The following ATXN7L1 variants were observed in gnomAD, a reference collection of about 807,000 sequenced individuals.
The protein encoded by ATXN7L1 is ataxin 7 like 1, also known as ataxin-7-like protein 1.
ATXN7L1 carries 15 observed loss-of-function variants against 70.8 expected under a neutral mutation model. That is an observed-to-expected ratio of 0.21 (90% CI 0.14 to 0.33). The LOEUF (loss-of-function observed/expected upper bound fraction) is 0.33. Ranked by LOEUF, ATXN7L1 falls within the 10% of genes least tolerant of loss-of-function variation. The pLI, the probability that ATXN7L1 is intolerant of heterozygous loss-of-function variation, is 1.00. For missense variants in ATXN7L1, 975 were observed against 1,097.1 expected (o/e 0.89, Z 1.57); for synonymous variants, 440 against 445.1 (o/e 0.99, Z 0.14).
At chr7:105,844,591 G>T (rs1426776429) in intron 2 of ATXN7L1, among the ~76,000 whole-genome samples, 4 of 152,120 alleles carry the variant, frequency 2.6e-5, no homozygotes, top group Admixed American at 2.6e-4. Context: ...TTGATAAAGT[G>T]TATTTATGAA....
At chr7:105,610,642 C>G (rs988460156) in intron 10 of ATXN7L1, 39 bp from the exon 11 acceptor site, 38 of 1,531,040 alleles carry the variant, frequency 2.5e-5, no homozygotes, top group Non-Finnish European at 3.4e-5. Flanking sequence ...GACACACGAG[C>G]CAGCCTGGGA....
intron 2 of ATXN7L1, among the ~76,000 whole-genome samples, chr7:105,848,768 G>A (rs1814437945): frequency 6.6e-6 from 1 of 152,084 alleles, no homozygotes; most frequent in Non-Finnish European, 1.5e-5. Context: ...TACTCATGGA[G>A]GTCCAGGCCC....
At position 105,658,058 on chromosome 7, in the gene ATXN7L1, T is replaced by C. The variant is rs575213416; in HGVS notation, c.578+7008A>G. On this transcript the variant is annotated intron_variant, in intron 4 of 11. Coordinates refer to ENST00000419735, the MANE Select transcript of ATXN7L1 (RefSeq NM_020725.2). ...GTTATATGTTGAAATGATAGTATTT[T>C]GAATATATTAGGTTAAAGAAAATAG... Among the ~76,000 whole-genome samples the C allele has an allele frequency of 2.0e-5, 3 of 152,296 alleles. No individual in the cohort carries two copies. The East Asian group carries it at 5.8e-4, about 29-fold the overall frequency.
intron 3 of ATXN7L1, among the ~76,000 whole-genome samples, chr7:105,727,767 T>TATATATATATATATATATATATATATATA (rs34755557): frequency 1.0e-5 from 1 of 100,272 alleles, no homozygotes; most frequent in African/African-American, 4.0e-5. Flanking sequence ...TATATATATA[T>TATATATATATATATATATATATATATATA]ATATATATAT....
At chr7:105,698,376 ATTT>A (rs1158333957) in intron 3 of ATXN7L1, among the ~76,000 whole-genome samples, 1 of 152,088 alleles carries the variant, frequency 6.6e-6, no homozygotes, top group Non-Finnish European at 1.5e-5. Context: ...TTAAAAATAA[ATTT>A]TTTGAGACAG....
rs552809478 is a variant in ATXN7L1 at position 105,634,230 on chromosome 7, C to T, written c.1202+4123G>A. The stretch of plus-strand genomic sequence containing the variant: ...GTTTCCCCCTCCGTACTACATCACC[C>T]GTCCCCTGTCTGCCCGCCAGTCTGG... On this transcript the variant is annotated intron_variant, in intron 7 of 11. Transcript: ENST00000419735. Among the ~76,000 whole-genome samples the T allele has an allele frequency of 6.3e-4, 96 of 152,296 alleles. 1 individual carries two copies. The South Asian group carries it at 0.017, about 28-fold the overall frequency.
intron 2 of ATXN7L1, among the ~76,000 whole-genome samples, chr7:105,809,384 CT>C (rs1808088070): frequency 6.6e-6 from 1 of 152,182 alleles, no homozygotes; most frequent in Admixed American, 6.5e-5. Flanking sequence ...TCAGCTTGCA[CT>C]ACTGAAACTC....
chr7:105,875,622 C>A (rs1819030752), intron 2 of ATXN7L1, among the ~76,000 whole-genome samples, 190 bp downstream of exon 2: 1 of 47,638 alleles, frequency 2.1e-5, no homozygotes, highest in Admixed American at 3.5e-4. Flanking sequence ...GTCTCACCCC[C>A]CTTTACCCCC....
At chr7:105,861,124 G>A (rs1816570508) in intron 2 of ATXN7L1, among the ~76,000 whole-genome samples, 2 of 152,144 alleles carry the variant, frequency 1.3e-5, no homozygotes, top group South Asian at 4.1e-4. Context: ...AGATGCAGAG[G>A]GCAGGCAGAG....
At chr7:105,662,105 T>C (rs1174332652) in intron 4 of ATXN7L1, among the ~76,000 whole-genome samples, 16 of 143,710 alleles carry the variant, frequency 1.1e-4, no homozygotes, top group Admixed American at 4.3e-4. Context: ...TCTTTTCTTT[T>C]CTTTTTTTTT....
At chr7:105,806,321 A>T (rs977545219) in intron 2 of ATXN7L1, among the ~76,000 whole-genome samples, 4 of 152,028 alleles carry the variant, frequency 2.6e-5, no homozygotes, top group African/African-American at 9.7e-5. Context: ...AGGAAGAGAC[A>T]CCAGGGCCCT....
intron 3 of ATXN7L1, among the ~76,000 whole-genome samples, chr7:105,697,021 T>C (rs557365153): frequency 2.0e-5 from 3 of 152,166 alleles, no homozygotes; most frequent in African/African-American, 7.2e-5. Context: ...TGCGAATAGG[T>C]GTGGGTGACA....
At chr7:105,775,736 G>A (rs561668760) in intron 3 of ATXN7L1, among the ~76,000 whole-genome samples, 6 of 152,266 alleles carry the variant, frequency 3.9e-5, no homozygotes, top group East Asian at 1.9e-4. Context: ...GACACCAGAC[G>A]AAAGGGTGAG....
At chr7:105,728,484 T>A (rs758180219) in intron 3 of ATXN7L1, among the ~76,000 whole-genome samples, 5 of 152,182 alleles carry the variant, frequency 3.3e-5, no homozygotes, top group Non-Finnish European at 7.3e-5. Flanking sequence ...TATGAACTCA[T>A]GCTTAATATA....
At chr7:105,699,004 G>C (rs1792101560) in intron 3 of ATXN7L1, among the ~76,000 whole-genome samples, 1 of 152,164 alleles carries the variant, frequency 6.6e-6, no homozygotes, top group African/African-American at 2.4e-5. Context: ...TTTCTAAAAA[G>C]TTGTTTGTGG....
Position 105,614,881 on chromosome 7 carries a change from CGAT to C in ATXN7L1, c.1518-68_1518-66del. The stretch of plus-strand genomic sequence containing the variant: ...TCGGGTTGGCATTGCTCAGGAGGCT[CGAT>C]GACGTTTGAGGATCAGGGCTACAGA... On this transcript the variant is annotated intron_variant, in intron 9 of 11. Transcript: ENST00000419735. The surrounding 1 kb of genome is among the most constrained non-coding windows in gnomAD (Gnocchi z 4.3). 6.7e-7 allele frequency: 1 copy of C among 1,491,414 alleles called. No individual in the cohort carries two copies. Among genetic ancestry groups the C allele is most frequent in the Non-Finnish European group, 9.0e-7 (1 of 1,114,424 alleles). The allele number at this position is 1,491,414 out of a possible 1,614,324, so 92.4% of individuals were successfully genotyped here. A position where few individuals can be genotyped will look rare whatever the true frequency, so the allele number is the denominator to read the frequency against.
At chr7:105,700,102 C>T (rs1792241986) in intron 3 of ATXN7L1, among the ~76,000 whole-genome samples, 1 of 152,172 alleles carries the variant, frequency 6.6e-6, no homozygotes, top group Non-Finnish European at 1.5e-5. Flanking sequence ...TGGCAGAGCT[C>T]ATGATACTGA....
At chr7:105,607,978 A>G (rs1792832112) in intron 11 of ATXN7L1, 88 bp from the exon 12 acceptor site, 7 of 1,230,732 alleles carry the variant, frequency 5.7e-6, no homozygotes, top group South Asian at 5.2e-5. Flanking sequence ...TAGTTTTCTC[A>G]TCTATAATAG....
intron 3 of ATXN7L1, among the ~76,000 whole-genome samples, chr7:105,674,434 G>A (rs1230489333): frequency 3.3e-5 from 5 of 152,206 alleles, no homozygotes; most frequent in African/African-American, 7.2e-5. Context: ...GTATGATACC[G>A]TTAGTTGCCT....
Sources: allele counts gnomAD v4.1 joint callset (sites outside exome capture counted in the v4.1 genomes callset), GRCh38; gene constraint gnomAD v4.1.1; non-coding constraint Gnocchi (gnomAD v3.1); transcripts MANE v1.5; gene names NCBI Gene and HGNC (gene_info 2026-07-23, HGNC 2026-07-21).